The following NELL1 variants were observed in gnomAD, a reference collection of about 807,000 sequenced individuals.
NELL1 encodes the protein protein kinase C-binding protein NELL1.
In NELL1, 76 loss-of-function variants were observed where a neutral mutation model predicts 107.4. The observed-to-expected ratio is 0.71, with a 90% CI of 0.59 to 0.86. NELL1 has a LOEUF of 0.86. Among genes scored for constraint, NELL1 ranks in the 40% least tolerant of loss-of-function variants. NELL1 has a pLI of 0.00. For synonymous variants in NELL1, 353 were observed against 341.2 expected (o/e 1.03, Z -0.38); for missense variants, 1,024 against 1,005.5 (o/e 1.02, Z -0.25).
chr11:20,892,688 T>A (rs1273820794), intron 5 of NELL1, among the ~76,000 whole-genome samples: 2 of 152,212 alleles, frequency 1.3e-5, no homozygotes, highest in Admixed American at 1.3e-4. Context: ...CCCAGCACTT[T>A]GGGAGGCCGA....
chr11:20,954,547 A>C (rs1851132740), intron 11 of NELL1, among the ~76,000 whole-genome samples: 1 of 152,212 alleles, frequency 6.6e-6, no homozygotes, highest in Non-Finnish European at 1.5e-5. Context: ...CGGGCAGAGA[A>C]TATCTTAAAC....
At chr11:20,716,320 G>A (rs1855249285) in intron 2 of NELL1, among the ~76,000 whole-genome samples, 1 of 152,186 alleles carries the variant, frequency 6.6e-6, no homozygotes. Flanking sequence ...AGCTTGACAA[G>A]GAACTATTTT....
intron 12 of NELL1, among the ~76,000 whole-genome samples, chr11:20,990,630 A>G (rs1443440587): frequency 1.3e-5 from 2 of 152,082 alleles, no homozygotes; most frequent in Non-Finnish European, 2.9e-5. Context: ...GGCACCTCCA[A>G]TCTCTTAGAA....
intron 15 of NELL1, among the ~76,000 whole-genome samples, chr11:21,451,185 T>TAAAAAAAAAAAAA (rs35257979): frequency 2.0e-5 from 2 of 101,494 alleles, no homozygotes; most frequent in Non-Finnish European, 1.8e-5. Context: ...AGACTCCGTC[T>TAAAAAAAAAAAAA]AAAAAAAAAA....
chr11:21,289,709 T>C (rs1849207183), intron 14 of NELL1, among the ~76,000 whole-genome samples: 1 of 152,176 alleles, frequency 6.6e-6, no homozygotes, highest in South Asian at 2.1e-4. Flanking sequence ...CCAGGTGGTC[T>C]AGCTCATTGG....
chr11:20,974,123 G>T (rs1422265870), intron 12 of NELL1, among the ~76,000 whole-genome samples: 1 of 152,222 alleles, frequency 6.6e-6, no homozygotes, highest in East Asian at 1.9e-4. Flanking sequence ...CTGTTTTGCA[G>T]ATTGTTTTTT....
At chr11:20,934,523 G>A (rs568543950) in intron 9 of NELL1, among the ~76,000 whole-genome samples, 2 of 152,368 alleles carry the variant, frequency 1.3e-5, no homozygotes, top group East Asian at 3.9e-4. Flanking sequence ...GGATGAGCCT[G>A]TCAAAGGGGA....
intron 13 of NELL1, among the ~76,000 whole-genome samples, chr11:21,223,161 ATTGGAATCTC>A (rs1378494819): frequency 6.6e-6 from 1 of 151,830 alleles, no homozygotes; most frequent in Non-Finnish European, 1.5e-5. Flanking sequence ...TCATTATTGT[ATTGGAATCTC>A]TTCTCTCTCT....
intron 3 of NELL1, among the ~76,000 whole-genome samples, chr11:20,827,200 T>C (rs962134696): frequency 6.6e-6 from 1 of 151,246 alleles, no homozygotes; most frequent in Non-Finnish European, 1.5e-5. Context: ...ATGGACCCCC[T>C]TATACTATGA....
intron 15 of NELL1, among the ~76,000 whole-genome samples, chr11:21,385,597 A>G (rs1851726328): frequency 6.6e-6 from 1 of 151,794 alleles, no homozygotes; most frequent in Admixed American, 6.6e-5. Flanking sequence ...TTCAGAACAC[A>G]AGTCTTCAAG....
intron 11 of NELL1, among the ~76,000 whole-genome samples, chr11:20,958,601 A>C (rs569824345): frequency 2.6e-5 from 4 of 152,336 alleles, no homozygotes; most frequent in African/African-American, 9.6e-5. Flanking sequence ...ATACCCAGTA[A>C]AACTATTTTT....
intron 12 of NELL1, among the ~76,000 whole-genome samples, chr11:21,011,899 T>G (rs1175108352): frequency 1.3e-5 from 2 of 152,104 alleles, no homozygotes; most frequent in Non-Finnish European, 2.9e-5. Context: ...ATAAAACCAG[T>G]GTTTATTTTC....
chr11:21,019,674 A>T (rs1410736432), intron 12 of NELL1, among the ~76,000 whole-genome samples: 3 of 152,022 alleles, frequency 2.0e-5, no homozygotes, highest in Admixed American at 6.6e-5. Flanking sequence ...GAAGCTCCCA[A>T]CAACAACAAA....
At chr11:20,918,335 C>A in intron 6 of NELL1, 81 bp downstream of exon 6, 1 of 857,538 alleles carries the variant, frequency 1.2e-6, no homozygotes, top group Non-Finnish European at 2.0e-6. Context: ...AAGATAGACC[C>A]AAATTGTTTA....
At chr11:20,816,099 CT>C (rs1208803213) in intron 3 of NELL1, among the ~76,000 whole-genome samples, 6 of 152,048 alleles carry the variant, frequency 3.9e-5, no homozygotes, top group Non-Finnish European at 8.8e-5. Flanking sequence ...ATGCCTTCAG[CT>C]TTGTTCTTTT....
intron 14 of NELL1, among the ~76,000 whole-genome samples, chr11:21,366,929 A>G (rs745737419): frequency 2.6e-5 from 4 of 151,612 alleles, no homozygotes; most frequent in Non-Finnish European, 5.9e-5. Flanking sequence ...TTAGTGTAGA[A>G]CTGCTTTTGT....
At chr11:21,102,852 A>G (rs1263752208) in intron 12 of NELL1, among the ~76,000 whole-genome samples, 1 of 152,146 alleles carries the variant, frequency 6.6e-6, no homozygotes, top group African/African-American at 2.4e-5. Context: ...CAACAATCAC[A>G]TTGCATAGGA....
chr11:21,292,548 T>C (rs943527465), intron 14 of NELL1, among the ~76,000 whole-genome samples: 30 of 152,162 alleles, frequency 2.0e-4, no homozygotes, highest in African/African-American at 7.2e-4. Flanking sequence ...AAGCTACCAT[T>C]GACTTTCTTC....
At chr11:21,118,785 A>G (rs1226583739) in intron 13 of NELL1, among the ~76,000 whole-genome samples, 1 of 151,854 alleles carries the variant, frequency 6.6e-6, no homozygotes, top group East Asian at 1.9e-4. Flanking sequence ...TCAAGGTCAT[A>G]TTTTTTTCCT....
Sources: allele counts gnomAD v4.1 joint callset (sites outside exome capture counted in the v4.1 genomes callset), GRCh38; gene constraint gnomAD v4.1.1; transcripts MANE v1.5; gene names NCBI Gene and HGNC (gene_info 2026-07-23, HGNC 2026-07-21).